Variants in SIAH3 observed in about 807,000 individuals in gnomAD.
SIAH3 encodes the protein siah E3 ubiquitin protein ligase family member 3, also known as seven in absentia homolog 3.
A neutral mutation model predicts 12.6 loss-of-function variants in SIAH3; 9 were observed. That is an observed-to-expected ratio of 0.72 (90% CI 0.43 to 1.25). The LOEUF (loss-of-function observed/expected upper bound fraction) is 1.25, where lower values mean the gene tolerates loss of function less well. Ranked by LOEUF, SIAH3 falls within the 50% of genes most tolerant of loss-of-function variation. The pLI, the probability that SIAH3 is intolerant of heterozygous loss-of-function variation, is 0.00. For synonymous variants in SIAH3, 154 were observed against 151.1 expected, an observed-to-expected ratio of 1.02 and a Z score of -0.14; for missense variants, 390 against 365.4, an observed-to-expected ratio of 1.07 and a Z score of -0.55.
chr13:45,836,417 T>C (rs1046653650), intron 1 of SIAH3, among the ~76,000 whole-genome samples: 2 of 152,142 alleles, frequency 1.3e-5, no homozygotes, highest in Admixed American at 6.5e-5. Flanking sequence ...GGGACACAGA[T>C]GGAGTTGGAA....
rs1950783238 is a variant in SIAH3 at position 45,851,735 on chromosome 13, T to C, written c.-106A>G. ...CTGAGACACTCCGCTCCAGCCCGGC[T>C]TAGCGCGCCTTCATATTCATCATCA... On this transcript the variant is annotated 5_prime_UTR_variant, in exon 1 of 2. It removes the in-frame stop codon of an upstream open reading frame in the 5' UTR. Transcript: ENST00000400405. 14 of 1,409,782 alleles carry C rather than the reference T, an allele frequency of 9.9e-6. No individual in the cohort carries two copies. Among genetic ancestry groups the C allele is most frequent in the Non-Finnish European group, 1.4e-5 (14 of 1,022,994 alleles). The allele number at this position is 1,409,782 out of a possible 1,614,324, so 87.3% of individuals were successfully genotyped here. A position where few individuals can be genotyped will look rare whatever the true frequency, so the allele number is the denominator to read the frequency against.
intron 1 of SIAH3, among the ~76,000 whole-genome samples, chr13:45,796,056 T>A (rs576412363): frequency 2.6e-5 from 4 of 152,308 alleles, no homozygotes; most frequent in African/African-American, 9.6e-5. Flanking sequence ...ACAGTGGTTA[T>A]CTTTGTGTGT....
intron 1 of SIAH3, among the ~76,000 whole-genome samples, chr13:45,843,751 T>G (rs1204969516): frequency 6.6e-6 from 1 of 152,158 alleles, no homozygotes; most frequent in Non-Finnish European, 1.5e-5. Flanking sequence ...GCACTAAAGC[T>G]TGCAGAGAGG....
chr13:45,840,699 C>T (rs1950736945), intron 1 of SIAH3, among the ~76,000 whole-genome samples: 1 of 152,166 alleles, frequency 6.6e-6, no homozygotes, highest in Admixed American at 6.5e-5. Flanking sequence ...CATTTATACA[C>T]ACAGAATGAA....
At chr13:45,842,446 C>T (rs1026230444) in intron 1 of SIAH3, among the ~76,000 whole-genome samples, 3 of 152,106 alleles carry the variant, frequency 2.0e-5, no homozygotes, top group Admixed American at 1.3e-4. Flanking sequence ...TGGGCTCAAG[C>T]GATCATCCCA....
chr13:45,845,555 A>C (rs1037613377), intron 1 of SIAH3, among the ~76,000 whole-genome samples: 1 of 152,120 alleles, frequency 6.6e-6, no homozygotes, highest in Non-Finnish European at 1.5e-5. Context: ...TCTGCTTATA[A>C]CTTATCCCCA....
rs575743241 is a variant in SIAH3, at chr13:45,777,723, A to T, written c.*5660T>A. 6.6e-6 allele frequency: 1 copy of T among 152,364 alleles called. No homozygotes were observed. Among genetic ancestry groups the T allele is most frequent in the African/African-American group, 2.4e-5 (1 of 41,586 alleles). 9.4% of individuals were successfully genotyped at this position (152,364 alleles called of 1,614,324 possible). On this transcript the variant is annotated 3_prime_UTR_variant, in exon 2 of 2. Transcript: ENST00000400405. ...ACAATCTGACTAGGAGACGCCACTC[A>T]TGATGCTATTTGCAGCTGAACCTCA...
chr13:45,844,700 T>C (rs1171474695), intron 1 of SIAH3, among the ~76,000 whole-genome samples: 1 of 152,202 alleles, frequency 6.6e-6, no homozygotes, highest in Non-Finnish European at 1.5e-5. Flanking sequence ...CTAATACATA[T>C]TTGGTACTGA....
chr13:45,839,630 A>G (rs1295925539), intron 1 of SIAH3, among the ~76,000 whole-genome samples: 2 of 151,718 alleles, frequency 1.3e-5, no homozygotes, highest in Non-Finnish European at 2.9e-5. Context: ...CAGGAGATCA[A>G]GACCATCCTG....
At chr13:45,818,210 C>G (rs1192097194) in intron 1 of SIAH3, among the ~76,000 whole-genome samples, 2 of 152,204 alleles carry the variant, frequency 1.3e-5, no homozygotes, top group Non-Finnish European at 2.9e-5. Flanking sequence ...GACTTCCTTT[C>G]TATCTGTATC....
rs143828604 is a variant in SIAH3 at position 45,806,228 on chromosome 13, A to C, written c.136-22171T>G. ...ATTCCATTATGGAGTATATATGCAA[A>C]GGAAAAGACATTGTTCTACCAAAAA... On this transcript the variant is annotated intron_variant, in intron 1 of 1. Transcript: ENST00000400405. Among the ~76,000 whole-genome samples, 122 of 152,304 alleles carry C rather than the reference A, an allele frequency of 8.0e-4. No individual in the cohort carries two copies. The East Asian group carries it at 0.019, about 24-fold the overall frequency.
chr13:45,783,270 T>G lies in SIAH3; in HGVS notation c.*113A>C. 1.8e-6 allele frequency: 1 copy of G among 568,434 alleles called. No individual in the cohort carries two copies. The highest frequency in any genetic ancestry group is 2.6e-6 in the Non-Finnish European group (1 of 378,924). The allele number at this position is 568,434 out of a possible 1,614,324, so 35.2% of individuals were successfully genotyped here. A position where few individuals can be genotyped will look rare whatever the true frequency, so the allele number is the denominator to read the frequency against. On this transcript the variant is annotated 3_prime_UTR_variant, in exon 2 of 2. Coordinates refer to ENST00000400405, the MANE Select transcript of SIAH3 (RefSeq NM_198849.3). ...CAAAAAAATAATAATAATTAAAAATTAAAAAAAAAAAAAAGAAAGGAGAAG... is the reference window on the plus strand; with the variant it reads ...CAAAAAAATAATAATAATTAAAAATGAAAAAAAAAAAAAAGAAAGGAGAAG...
At chr13:45,830,638 T>C (rs1305583273) in intron 1 of SIAH3, among the ~76,000 whole-genome samples, 1 of 152,186 alleles carries the variant, frequency 6.6e-6, no homozygotes, top group African/African-American at 2.4e-5. Flanking sequence ...TCACTGGTGC[T>C]TACCTTCTGC....
intron 1 of SIAH3, among the ~76,000 whole-genome samples, chr13:45,812,737 G>C (rs1417001162): frequency 6.6e-6 from 1 of 152,246 alleles, no homozygotes; most frequent in South Asian, 2.1e-4. Context: ...CTTTCACTGA[G>C]TGTTGAGAAT....
At chr13:45,801,057 A>C (rs1190010904) in intron 1 of SIAH3, among the ~76,000 whole-genome samples, 1 of 136,588 alleles carries the variant, frequency 7.3e-6, no homozygotes, top group Non-Finnish European at 1.5e-5. Flanking sequence ...CTGTGAAGCA[A>C]CTAGAATATG....
rs185208114 is a variant in SIAH3 at position 45,801,657 on chromosome 13, G to A, written c.136-17600C>T. ...TAGGGGTCAACATATACTTAATAAC[G>A]TGTTACATTATTCCTATGCCATCTC... On this transcript the variant is annotated intron_variant, in intron 1 of 1. Coordinates refer to ENST00000400405, the MANE Select transcript of SIAH3 (RefSeq NM_198849.3). Among the ~76,000 whole-genome samples, 88 of 152,180 alleles carry A rather than the reference G, an allele frequency of 5.8e-4. No individual in the cohort carries two copies. The Middle Eastern group carries it at 0.014, about 24-fold the overall frequency.
intron 1 of SIAH3, among the ~76,000 whole-genome samples, chr13:45,788,694 A>G (rs955536490): frequency 3.3e-5 from 5 of 152,142 alleles, no homozygotes; most frequent in African/African-American, 1.2e-4. Context: ...GAAATACTAC[A>G]TGACCCTTTC....
In SIAH3 at chr13:45,827,990, G is replaced by A. The variant is rs1008407200; in HGVS notation, c.135+23505C>T. On this transcript the variant is annotated intron_variant, in intron 1 of 1. Transcript: ENST00000400405. ...GAAATTCTTAAATTTTAACAACGAG[G>A]CCCACATTTTCATTTTCACTGGGCC... Among the ~76,000 whole-genome samples, 4 of 152,234 alleles carry A rather than the reference G, an allele frequency of 2.6e-5. No homozygotes were observed. In the Middle Eastern group the frequency reaches 0.01, roughly 391 times the overall value.
intron 1 of SIAH3, among the ~76,000 whole-genome samples, chr13:45,848,415 C>T (rs1174422949): frequency 6.6e-6 from 1 of 152,122 alleles, no homozygotes. Context: ...TTAGGGTGAG[C>T]TTCAGGGGTG....
Sources: allele counts gnomAD v4.1 joint callset (sites outside exome capture counted in the v4.1 genomes callset), GRCh38; gene constraint gnomAD v4.1.1; transcripts MANE v1.5; gene names NCBI Gene and HGNC (gene_info 2026-07-23, HGNC 2026-07-21).